The following HERC2 variants were observed in gnomAD, a reference collection of about 807,000 sequenced individuals.
The protein encoded by HERC2 is HECT and RLD domain containing E3 ubiquitin protein ligase 2, also known as E3 ubiquitin-protein ligase HERC2.
HERC2 carries 102 observed loss-of-function variants against 537.7 expected under a neutral mutation model. The ratio of observed to expected loss-of-function variants is 0.19; its 90% CI spans 0.16 to 0.22. The LOEUF (loss-of-function observed/expected upper bound fraction) is 0.22, where lower values mean the gene tolerates loss of function less well. HERC2 is among the 10% of genes least tolerant of loss of function. The pLI, the probability that HERC2 is intolerant of heterozygous loss-of-function variation, is 1.00. For missense variants in HERC2, 4,236 were observed against 6,198.2 expected (o/e 0.68, Z 10.63); for synonymous variants, 2,224 against 2,466.2 (o/e 0.90, Z 2.91).
rs12898763 is a variant in HERC2, at chr15:28,221,916, A to C, written c.5652+112T>G. 782 of 933,054 alleles carry C rather than the reference A, an allele frequency of 8.4e-4. 11 individuals carry two copies. The African/African-American group carries it at 8.6e-3, about 10-fold the overall frequency. The allele number at this position is 933,054 out of a possible 1,614,324, so 57.8% of individuals were successfully genotyped here. A position where few individuals can be genotyped will look rare whatever the true frequency, so the allele number is the denominator to read the frequency against. On this transcript the variant is annotated intron_variant, in intron 36 of 92. Transcript: ENST00000261609. ...CTCGGGAACCAACACCTGTGTCATC[A>C]ATCAACTGACACATCCTGGATTATT...
chr15:28,291,966 G>T (rs1415996977), intron 4 of HERC2, among the ~76,000 whole-genome samples: 1 of 146,676 alleles, frequency 6.8e-6, no homozygotes, highest in Non-Finnish European at 1.5e-5. Flanking sequence ...AGTGGCTCAT[G>T]CCTGTAATAC....
chr15:28,312,133 C>A (rs561139179), intron 2 of HERC2, among the ~76,000 whole-genome samples: 1 of 152,412 alleles, frequency 6.6e-6, no homozygotes, highest in South Asian at 2.1e-4. Flanking sequence ...AAGCACCATT[C>A]AAAAAACTAT....
chr15:28,292,126 G>A (rs2076331996), intron 4 of HERC2, among the ~76,000 whole-genome samples: 2 of 149,138 alleles, frequency 1.3e-5, no homozygotes, highest in Non-Finnish European at 3.0e-5. Context: ...CTACTCGGGA[G>A]GATGAGGCAG....
At position 28,144,778 on chromosome 15, in the gene HERC2, C is replaced by T. The variant is rs760983057; in HGVS notation, c.11035G>A (p.Glu3679Lys). 1.2e-6 allele frequency: 2 copies of T among 1,614,206 alleles called. No individual in the cohort carries two copies. The highest frequency in any genetic ancestry group is 1.1e-5 in the South Asian group (1 of 91,078). Residue 3679 changes from glutamate to lysine, a missense_variant, in exon 72 of 93, where the codon GAG becomes AAG. This residue lies in a region of HERC2 where 356 missense variants were observed against 450.9 expected (regional missense o/e 0.79). Transcript: ENST00000261609. ...SGREWSDWSS[E>K]LRIPGDELKW... is the part of the protein sequence containing the mutation. ...AACTCATCCCCTGGGATGCGCAGCT[C>T]GCTGGACCAGTCGGACCACTCTCGG...
At chr15:28,123,360 A>G (rs780726461) in intron 85 of HERC2, among the ~76,000 whole-genome samples, 4 of 152,370 alleles carry the variant, frequency 2.6e-5, no homozygotes, top group Non-Finnish European at 2.9e-5. Context: ...ATCCAATTCT[A>G]TAACTTTTCC....
intron 63 of HERC2, 152 bp from the exon 64 acceptor site, chr15:28,175,808 A>C: frequency 1.3e-6 from 1 of 746,996 alleles, no homozygotes; most frequent in Non-Finnish European, 2.2e-6. Flanking sequence ...AAAATCATAC[A>C]CCATTAATTC....
At chr15:28,256,854 A>G (rs1313207679) in intron 17 of HERC2, among the ~76,000 whole-genome samples, 2 of 152,156 alleles carry the variant, frequency 1.3e-5, no homozygotes, top group Non-Finnish European at 2.9e-5. Flanking sequence ...CAGGCCTCCC[A>G]AAAGTGCTGG....
intron 10 of HERC2, among the ~76,000 whole-genome samples, chr15:28,270,215 A>C (rs1167892188): frequency 6.6e-6 from 1 of 151,778 alleles, no homozygotes; most frequent in Non-Finnish European, 1.5e-5. Flanking sequence ...AGATAGATAG[A>C]TAGATAGAAC....
At chr15:28,198,181 T>C (rs1226910012) in intron 50 of HERC2, among the ~76,000 whole-genome samples, 197 bp downstream of exon 50, 1 of 152,254 alleles carries the variant, frequency 6.6e-6, no homozygotes, top group Admixed American at 6.5e-5. Context: ...AATGAGTTAA[T>C]ATTAATAAAT....
chr15:28,158,175 G>A (rs1893209128), intron 69 of HERC2, among the ~76,000 whole-genome samples: 1 of 152,118 alleles, frequency 6.6e-6, no homozygotes, highest in Middle Eastern at 3.2e-3. Context: ...CAATTTTGGA[G>A]TAAGTGCGGT....
At chr15:28,247,421 CTTTTTTT>C (rs71132843) in intron 21 of HERC2, among the ~76,000 whole-genome samples, 2 of 76,180 alleles carry the variant, frequency 2.6e-5, no homozygotes, top group African/African-American at 1.0e-4. Context: ...CTACATGGTT[CTTTTTTT>C]TTTTTTTTTT....
At chr15:28,136,172 C>T (rs1890613829) in intron 78 of HERC2, among the ~76,000 whole-genome samples, 1 of 150,838 alleles carries the variant, frequency 6.6e-6, no homozygotes, top group African/African-American at 2.4e-5. Context: ...GGACACAAAA[C>T]ATCTATGATT....
At chr15:28,311,968 C>T (rs1179457704) in intron 2 of HERC2, among the ~76,000 whole-genome samples, 6 of 152,240 alleles carry the variant, frequency 3.9e-5, no homozygotes, top group Admixed American at 2.6e-4. Flanking sequence ...CACCACCTTT[C>T]GATTATTACC....
chr15:28,188,324 C>T (rs78980176), intron 55 of HERC2, among the ~76,000 whole-genome samples: 10,612 of 152,116 alleles, frequency 0.07, 890 homozygotes, highest in East Asian at 0.42. Context: ...AGGTGGATCA[C>T]GAAGTCAGGA....
At chr15:28,157,951 C>T (rs1709344950) in intron 69 of HERC2, among the ~76,000 whole-genome samples, 1 of 152,136 alleles carries the variant, frequency 6.6e-6, no homozygotes, top group Non-Finnish European at 1.5e-5. Context: ...TCTTTGTTCT[C>T]GTTGGTTTCA....
At chr15:28,297,627 G>A (rs1432156932) in intron 3 of HERC2, among the ~76,000 whole-genome samples, 1 of 152,046 alleles carries the variant, frequency 6.6e-6, no homozygotes, top group African/African-American at 2.4e-5. Context: ...CCGACTACGT[G>A]ATTCCATGTA....
chr15:28,233,579 AAAG>A lies in HERC2; in HGVS notation c.4352-21_4352-19del. On this transcript the variant is annotated intron_variant, in intron 28 of 92. Transcript: ENST00000261609. The stretch of plus-strand genomic sequence containing the variant: ...CACATGACCTGTAAAAAGACATTTA[AAAG>A]AAGGGCAGGGATGAATATGTACCTC... 1.2e-6 allele frequency: 2 copies of A among 1,613,778 alleles called. No homozygotes were observed. The highest frequency in any genetic ancestry group is 1.7e-6 in the Non-Finnish European group (2 of 1,179,690).
At position 28,159,444 on chromosome 15, in the gene HERC2, T is replaced by C. The variant is rs539701520; in HGVS notation, c.10746+3650A>G. ...GGAGGTTTTGTTCATTTCTTTTTAT[T>C]CTTTTTTCTCTAAACTTCTCGCTTC... is the stretch of plus-strand genomic sequence containing the variant. On this transcript the variant is annotated intron_variant, in intron 69 of 92. Coordinates refer to ENST00000261609, the MANE Select transcript of HERC2 (RefSeq NM_004667.6). Among the ~76,000 whole-genome samples the C allele has an allele frequency of 2.6e-5, 4 of 152,340 alleles. No individual in the cohort carries two copies. In the South Asian group the frequency reaches 8.3e-4, roughly 32 times the overall value.
chr15:28,141,902 T>C, intron 76 of HERC2, 56 bp from the exon 77 acceptor site: 1 of 1,283,082 alleles, frequency 7.8e-7, no homozygotes, highest in Non-Finnish European at 1.1e-6. Flanking sequence ...ACAAAATAGA[T>C]AAATACTAAG....
Sources: allele counts gnomAD v4.1 joint callset (sites outside exome capture counted in the v4.1 genomes callset), GRCh38; gene constraint gnomAD v4.1.1; regional missense constraint gnomAD v4.1.1; transcripts MANE v1.5; gene names NCBI Gene and HGNC (gene_info 2026-07-23, HGNC 2026-07-21).